TMEM132C: variants seen among roughly 807,000 people sequenced by gnomAD.
The protein encoded by TMEM132C is protein phosphatase 1, regulatory subunit 152.
Under a neutral mutation model 61.4 loss-of-function variants are expected in TMEM132C, and 29 were observed. The observed-to-expected ratio is 0.47, with a 90% confidence interval of 0.35 to 0.64. The LOEUF is 0.64. Ranked by LOEUF, TMEM132C falls within the 30% of genes least tolerant of loss-of-function variation. The pLI, the probability that TMEM132C is intolerant of heterozygous loss-of-function variation, is 0.00. For synonymous variants in TMEM132C, 656 were observed against 633.1 expected, an observed-to-expected ratio of 1.04 and a Z score of -0.54; for missense variants, 1,408 against 1,476.9, an observed-to-expected ratio of 0.95 and a Z score of 0.76.
chr12:128,621,794 C>T (rs1321509451), intron 4 of TMEM132C, among the ~76,000 whole-genome samples: 1 of 152,182 alleles, frequency 6.6e-6, no homozygotes. Flanking sequence ...ATCTCAACTG[C>T]CTTGCCCTGC....
intron 3 of TMEM132C, among the ~76,000 whole-genome samples, chr12:128,591,112 A>C (rs1037344704): frequency 6.6e-6 from 1 of 152,190 alleles, no homozygotes; most frequent in Non-Finnish European, 1.5e-5. Flanking sequence ...CACTTTTATT[A>C]CTATAAATGC....
At chr12:128,541,880 G>A (rs149846308) in intron 2 of TMEM132C, among the ~76,000 whole-genome samples, 449 of 152,180 alleles carry the variant, frequency 3.0e-3, no homozygotes, top group Non-Finnish European at 5.1e-3. Context: ...AGGGGGACCC[G>A]CCTGCGAATC....
At chr12:128,692,664 C>T (rs998705640) in intron 5 of TMEM132C, among the ~76,000 whole-genome samples, 15 of 152,146 alleles carry the variant, frequency 9.9e-5, no homozygotes, top group African/African-American at 3.4e-4. Flanking sequence ...GGTCACAGTC[C>T]GCCCAGGTTA....
intron 1 of TMEM132C, among the ~76,000 whole-genome samples, chr12:128,402,715 C>G (rs1593040875): frequency 6.6e-6 from 1 of 152,218 alleles, no homozygotes; most frequent in African/African-American, 2.4e-5. Context: ...GGCCACCAGG[C>G]AAGCCATTGG....
Position 128,616,296 on chromosome 12 carries a change from C to A in TMEM132C, c.1266C>A (p.Val422=). The A allele has an allele frequency of 6.4e-7, 1 of 1,551,990 alleles. No homozygotes were observed. The highest frequency in any genetic ancestry group is 1.4e-5 in the African/African-American group (1 of 73,160). ...ACATCGCCGTGTCCGAGATCTTTGT[C>A]AGCCAGAAGGACCTGGTGGGCATCG... The part of the protein sequence containing the change: ...TTDIAVSEIF[V]SQKDLVGIVP... Residue 422 remains valine (V), a synonymous_variant, in exon 4 of 9, where the codon GTC becomes GTA. Transcript: ENST00000435159.
At chr12:128,603,127 T>G (rs775642213) in intron 3 of TMEM132C, among the ~76,000 whole-genome samples, 10 of 152,232 alleles carry the variant, frequency 6.6e-5, no homozygotes, top group African/African-American at 2.4e-4. Context: ...TCATGACACA[T>G]TGGCTTCAGA....
chr12:128,690,518 CA>C lies in TMEM132C; in HGVS notation c.1450-3310del, dbSNP rs534445739. ...TCTTAATTATTTATATATTCGGGAG[CA>C]GCCAGGTTTCCTCCCACCAGAGCTC... On this transcript the variant is annotated intron_variant, in intron 5 of 8. Coordinates refer to ENST00000435159, the MANE Select transcript of TMEM132C (RefSeq NM_001136103.3). Among the ~76,000 whole-genome samples the C allele has an allele frequency of 2.2e-3, 334 of 152,238 alleles. 4 individuals carry two copies. The highest frequency in any genetic ancestry group is 7.6e-3 in the African/African-American group (315 of 41,530).
At position 128,570,222 on chromosome 12, in the gene TMEM132C, C is replaced by T. The variant is rs561210883; in HGVS notation, c.1121+26119C>T. The stretch of plus-strand genomic sequence containing the variant: ...TACACCTCCCCACCCCCGCACCCCC[C>T]ACACACTCACACTGTGGTCACATTG... On this transcript the variant is annotated intron_variant, in intron 3 of 8. Transcript: ENST00000435159. The surrounding 1 kb of genome is among the most constrained non-coding windows in gnomAD (Gnocchi z 4.7). Among the ~76,000 whole-genome samples, 1 of 152,140 alleles carries T rather than the reference C, an allele frequency of 6.6e-6. No individual in the cohort carries two copies. The highest frequency in any genetic ancestry group is 2.4e-5 in the African/African-American group (1 of 41,408).
intron 3 of TMEM132C, among the ~76,000 whole-genome samples, chr12:128,607,964 A>G (rs1218431027): frequency 7.9e-5 from 12 of 152,126 alleles, no homozygotes; most frequent in Non-Finnish European, 8.8e-5. Flanking sequence ...AAAATAAATA[A>G]CAGGGCCAGG....
intron 4 of TMEM132C, among the ~76,000 whole-genome samples, chr12:128,648,563 T>C (rs1256413368): frequency 1.3e-5 from 2 of 151,842 alleles, no homozygotes; most frequent in Admixed American, 6.5e-5. Flanking sequence ...GATGAGTGTG[T>C]TTACTGGAGT....
At chr12:128,429,830 T>A (rs1869326677) in intron 2 of TMEM132C, among the ~76,000 whole-genome samples, 1 of 152,088 alleles carries the variant, frequency 6.6e-6, no homozygotes, top group Admixed American at 6.5e-5. Context: ...AATGACTACA[T>A]CCCAAAACAG....
intron 1 of TMEM132C, among the ~76,000 whole-genome samples, chr12:128,329,030 C>T (rs536286952): frequency 9.2e-5 from 14 of 152,126 alleles, no homozygotes; most frequent in African/African-American, 2.4e-4. Context: ...TGTCTTGAGT[C>T]GGAGATTTCT....
intron 1 of TMEM132C, among the ~76,000 whole-genome samples, chr12:128,377,718 C>A (rs1337925279): frequency 2.6e-5 from 4 of 152,190 alleles, no homozygotes; most frequent in Non-Finnish European, 5.9e-5. Flanking sequence ...TGTAAACCAT[C>A]CCCGTCCTCT....
At chr12:128,319,196 G>A (rs1292519587) in intron 1 of TMEM132C, among the ~76,000 whole-genome samples, 4 of 152,198 alleles carry the variant, frequency 2.6e-5, no homozygotes, top group Non-Finnish European at 1.5e-5. Context: ...TGCCCTAATA[G>A]AGAAGGAATT....
intron 1 of TMEM132C, among the ~76,000 whole-genome samples, chr12:128,385,974 G>A (rs758441062): frequency 6.6e-6 from 1 of 152,158 alleles, no homozygotes; most frequent in Non-Finnish European, 1.5e-5. Flanking sequence ...TGCTCCCACA[G>A]AGAGCTGGGC....
At chr12:128,677,575 A>G (rs1226245380) in intron 5 of TMEM132C, among the ~76,000 whole-genome samples, 1 of 152,034 alleles carries the variant, frequency 6.6e-6, no homozygotes. Flanking sequence ...TGTACCTCCT[A>G]TTTGGACAGC....
intron 4 of TMEM132C, among the ~76,000 whole-genome samples, chr12:128,638,351 AAC>A (rs2135597585): frequency 6.6e-6 from 1 of 152,288 alleles, no homozygotes; most frequent in African/African-American, 2.4e-5. Flanking sequence ...TCAGAGTAAA[AAC>A]TAGCAAGAAT....
At chr12:128,459,304 G>A (rs1030066668) in intron 2 of TMEM132C, among the ~76,000 whole-genome samples, 1 of 152,202 alleles carries the variant, frequency 6.6e-6, no homozygotes, top group African/African-American at 2.4e-5. Context: ...GTTCTGCACT[G>A]CTGGCCATAT....
At chr12:128,552,803 G>A (rs1017713256) in intron 3 of TMEM132C, among the ~76,000 whole-genome samples, 1 of 152,136 alleles carries the variant, frequency 6.6e-6, no homozygotes, top group African/African-American at 2.4e-5. Context: ...AGCTACTCAG[G>A]AGGCTAAGGC....
Sources: gnomAD v4.1 joint callset for allele counts (sites outside exome capture counted in the v4.1 genomes callset) on GRCh38, gnomAD v4.1.1 for gene constraint, Gnocchi (gnomAD v3.1) non-coding constraint, MANE v1.5 for transcripts, NCBI Gene and HGNC (gene_info 2026-07-23, HGNC 2026-07-21) for gene names.